The following BCAR1 variants were observed in gnomAD, a reference collection of about 807,000 sequenced individuals.
The protein encoded by BCAR1 is breast cancer anti-estrogen resistance protein 1.
BCAR1 carries 30 observed loss-of-function variants against 67.6 expected under a neutral mutation model. The ratio of observed to expected loss-of-function variants is 0.44; its 90% CI spans 0.33 to 0.60. BCAR1 has a LOEUF of 0.60. Among genes scored for constraint, BCAR1 ranks in the 20% least tolerant of loss-of-function variants. The pLI is 0.02. For synonymous variants in BCAR1, 626 were observed against 556.7 expected, an observed-to-expected ratio of 1.12 and a Z score of -1.75; for missense variants, 1,313 against 1,222.3, an observed-to-expected ratio of 1.07 and a Z score of -1.11.
intron 2 of BCAR1, chr16:75,238,806 C>G (rs556942396): frequency 1.0e-6 from 1 of 985,566 alleles, no homozygotes; most frequent in Non-Finnish European, 1.2e-6. Flanking sequence ...CTGCCAACAG[C>G]GGGGCAGGCG....
intron 4 of BCAR1, 145 bp from the exon 5 acceptor site, chr16:75,236,131 T>G: frequency 9.4e-7 from 1 of 1,066,206 alleles, no homozygotes; most frequent in South Asian, 1.7e-5. Context: ...CAGGCACACA[T>G]ACAAATGCAG....
chr16:75,263,387 G>A (rs1473841623), intron 1 of BCAR1: 7 of 985,294 alleles, frequency 7.1e-6, no homozygotes, highest in East Asian at 1.1e-4. Context: ...GGCCCAGAGC[G>A]CTGGGCGAGA....
Position 75,242,552 on chromosome 16 carries a change from G to C in BCAR1, c.551C>G (p.Ser184Cys). 6.7e-7 allele frequency: 1 copy of C among 1,492,496 alleles called. No individual in the cohort carries two copies. Among genetic ancestry groups the C allele is most frequent in the South Asian group, 1.4e-5 (1 of 71,092 alleles). The allele number at this position is 1,492,496 out of a possible 1,614,324, so 92.5% of individuals were successfully genotyped here. The stretch of plus-strand genomic sequence containing the variant: ...GTAGATGTCATGCCCCATCCCGGCA[G>C]AAGGTGGCACCTGGTAAATATCCTG... ...PAQDIYQVPP[S>C]AGMGHDIYQV... The change falls in exon 2 of 7, where the codon TCT becomes TGT. Residue 184 changes from serine to cysteine, a missense_variant. By Grantham distance (112) the Ser-to-Cys change is moderately radical (BLOSUM62 -1). Transcript: ENST00000162330.
At chr16:75,266,896 G>T in intron 1 of BCAR1, 2 of 811,930 alleles carry the variant, frequency 2.5e-6, no homozygotes, top group Non-Finnish European at 3.3e-6. Context: ...CGGGCTCATG[G>T]CGGGGACCTG....
At chr16:75,264,748 C>A (rs12933939) in intron 1 of BCAR1, 118,676 of 910,488 alleles carry the variant, frequency 0.13, 8,209 homozygotes, top group South Asian at 0.21. Flanking sequence ...CAGAAAGCCC[C>A]CACTGCCTGC....
At chr16:75,266,007 T>A in intron 1 of BCAR1, 4 of 1,030,506 alleles carry the variant, frequency 3.9e-6, no homozygotes, top group Non-Finnish European at 4.6e-6. Context: ...GCGCCGCGCA[T>A]GCGCCGCCCG....
rs369782698 is a variant in BCAR1, at chr16:75,231,259, A to G, written c.2101-1236T>C. On this transcript the variant is annotated intron_variant, in intron 6 of 6. Transcript: ENST00000162330. ...GCCACCACCCCTGGCTAATTTTTGTATTTTTGGTAAAGATGGGGTTTCACC... is the reference window on the plus strand; with the variant it reads ...GCCACCACCCCTGGCTAATTTTTGTGTTTTTGGTAAAGATGGGGTTTCACC... 3.0e-4 allele frequency among the ~76,000 whole-genome samples: 46 copies of G among 151,624 alleles called. No individual in the cohort carries two copies. The East Asian group carries it at 6.8e-3, about 22-fold the overall frequency.
intron 1 of BCAR1, chr16:75,263,488 G>A (rs2077947697): frequency 1.0e-6 from 1 of 985,302 alleles, no homozygotes; most frequent in Non-Finnish European, 1.2e-6. Context: ...CACTGAGCAG[G>A]TAGCAGGGAC....
rs1597143203 is a variant in BCAR1, at chr16:75,229,324, G to A, written c.*187C>T. The A allele has an allele frequency of 1.0e-6, 1 of 1,001,992 alleles. No individual in the cohort carries two copies. Among genetic ancestry groups the A allele is most frequent in the Non-Finnish European group, 1.4e-6 (1 of 723,812 alleles). The allele number at this position is 1,001,992 out of a possible 1,614,324, so 62.1% of individuals were successfully genotyped here. On this transcript the variant is annotated 3_prime_UTR_variant, in exon 7 of 7. Transcript: ENST00000162330. ...GGCCGGCCCCTGGGCTTCGGCTCCT[G>A]AGGAGGCATGGCCCCACACCCTGCC...
chr16:75,235,878 G>A lies in BCAR1; in HGVS notation c.1021C>T (p.Pro341Ser). ...PAFAKAKPFDPARTPLVLAAP... is the reference protein window; with the variant it reads ...PAFAKAKPFDSARTPLVLAAP... ...GCCAGTACCAGTGGGGTGCGGGCCG[G>A]GTCAAAGGGCTTGGCCTTGGCGAAG... The change falls in exon 5 of 7, where the codon CCG becomes TCG. Residue 341 changes from proline (P) to serine (S), a missense_variant. Physicochemically the swap from Pro to Ser is moderately conservative, Grantham distance 74. Around this residue, in one of 2 missense-constraint regions of BCAR1, gnomAD observed 1,272 missense variants for 1,137.5 expected, o/e 1.12. Coordinates refer to ENST00000162330, the MANE Select transcript of BCAR1 (RefSeq NM_014567.5). 1 of 1,563,264 alleles carries A rather than the reference G, an allele frequency of 6.4e-7. No individual in the cohort carries two copies. Among genetic ancestry groups the A allele is most frequent in the African/African-American group, 1.4e-5 (1 of 73,948 alleles).
At chr16:75,256,719 C>A (rs1310230213) in intron 1 of BCAR1, among the ~76,000 whole-genome samples, 2 of 151,954 alleles carry the variant, frequency 1.3e-5, no homozygotes, top group Non-Finnish European at 2.9e-5. Flanking sequence ...CGCCCGAGGC[C>A]GGTGTGAGCC....
chr16:75,258,855 G>C (rs1367133806), intron 1 of BCAR1, among the ~76,000 whole-genome samples: 6 of 152,160 alleles, frequency 3.9e-5, no homozygotes, highest in Non-Finnish European at 8.8e-5. Context: ...TGGGCTTAGG[G>C]CTTCCAGCGC....
rs1026978541 is a variant in BCAR1 at position 75,257,405 on chromosome 16, G to A, written c.66+10510C>T. ...CCTGGGGGCTCTGGGTGGCAGTGAC[G>A]GAAAGAGTGGATACAGGGAAGACAG... On this transcript the variant is annotated intron_variant, in intron 1 of 6. Transcript: ENST00000393422. 8.5e-5 allele frequency among the ~76,000 whole-genome samples: 13 copies of A among 152,180 alleles called. 1 individual carries two copies. Among genetic ancestry groups the A allele is most frequent in the Admixed American group, 7.9e-4 (12 of 15,286 alleles).
At chr16:75,266,819 A>G in intron 1 of BCAR1, 1 of 1,344,828 alleles carries the variant, frequency 7.4e-7, no homozygotes, top group South Asian at 1.9e-5. Context: ...ACTGTCCCGG[A>G]GGTCAGCGCT....
In BCAR1 at chr16:75,233,901, A is replaced by G. The variant is rs1464556152; in HGVS notation, c.2045T>C (p.Leu682Pro). The G allele has an allele frequency of 6.2e-7, 1 of 1,610,732 alleles. No individual in the cohort carries two copies. Among genetic ancestry groups the G allele is most frequent in the Non-Finnish European group, 8.5e-7 (1 of 1,178,722 alleles). Reference protein sequence around the residue: ...KEEFEKTQKELLEKGSITRQG... With the variant: ...KEEFEKTQKEPLEKGSITRQG... The stretch of plus-strand genomic sequence containing the variant: ...CCGCGTGATGCTGCCCTTTTCCAGC[A>G]GCTCCTTCTGGGTCTTCTCAAACTC... Residue 682 changes from leucine (L) to proline (P), a missense_variant, in exon 6 of 7, where the codon CTG (leucine) becomes CCG (proline). Leu to Pro is a moderately conservative substitution (Grantham distance 98). Coordinates refer to ENST00000162330, the MANE Select transcript of BCAR1 (RefSeq NM_014567.5).
At chr16:75,238,043 G>C (rs750347646) in intron 2 of BCAR1, 5 of 1,288,556 alleles carry the variant, frequency 3.9e-6, no homozygotes, top group Middle Eastern at 2.1e-4. Flanking sequence ...GAGGCCTAGT[G>C]GGGGAAGTGG....
At chr16:75,259,377 A>G (rs1211272812) in intron 1 of BCAR1, among the ~76,000 whole-genome samples, 2 of 152,248 alleles carry the variant, frequency 1.3e-5, no homozygotes, top group South Asian at 2.1e-4. Flanking sequence ...TCATGCCTAT[A>G]GTCCCAGCTA....
chr16:75,231,628 G>C (rs2076904313), intron 6 of BCAR1, among the ~76,000 whole-genome samples: 1 of 152,104 alleles, frequency 6.6e-6, no homozygotes, highest in Admixed American at 6.5e-5. Flanking sequence ...ATATATTCTT[G>C]CCCTTTAATC....
In BCAR1 at chr16:75,237,267, CG is replaced by C; in HGVS notation, c.710del (p.Pro237ArgfsTer76). 6.6e-7 allele frequency: 1 copy of C among 1,524,880 alleles called. No individual in the cohort carries two copies. Among genetic ancestry groups the C allele is most frequent in the Non-Finnish European group, 8.8e-7 (1 of 1,141,060 alleles). The allele number at this position is 1,524,880 out of a possible 1,614,324, so 94.5% of individuals were successfully genotyped here. A position where few individuals can be genotyped will look rare whatever the true frequency, so the allele number is the denominator to read the frequency against. The stretch of plus-strand genomic sequence containing the variant: ...GTGGCCCCGGGGCCAGCAGGTGTCG[CG>C]GGATGTCGTACTCGTCCTGCTCCGG... Reference protein sequence around the residue: ...AQPEQDEYDIPRHLLAPGPQD... With the variant: ...AQPEQDEYDIXRHLLAPGPQD... On this transcript the variant is annotated frameshift_variant, in exon 3 of 7. Coordinates refer to ENST00000162330, the MANE Select transcript of BCAR1 (RefSeq NM_014567.5). LOFTEE classifies it high-confidence loss of function.
Sources: gnomAD v4.1 joint callset for allele counts (sites outside exome capture counted in the v4.1 genomes callset) on GRCh38, gnomAD v4.1.1 for gene constraint, gnomAD v4.1.1 regional missense constraint, MANE v1.5 for transcripts, NCBI Gene and HGNC (gene_info 2026-07-23, HGNC 2026-07-21) for gene names.